The following SYNE3 variants were observed in gnomAD, a reference collection of about 807,000 sequenced individuals.
SYNE3 encodes spectrin repeat containing nuclear envelope family member 3.
Under a neutral mutation model 111.2 loss-of-function variants are expected in SYNE3, and 100 were observed. The ratio of observed to expected loss-of-function variants is 0.90; its 90% CI spans 0.77 to 1.06. SYNE3 has a LOEUF of 1.06. Among genes scored for constraint, SYNE3 ranks in the 50% least tolerant of loss-of-function variants. SYNE3 has a pLI of 0.00. For synonymous variants in SYNE3, 547 were observed against 533.9 expected (o/e 1.02, Z -0.34); for missense variants, 1,160 against 1,240.3 (o/e 0.94, Z 0.97).
intron 4 of SYNE3, among the ~76,000 whole-genome samples, chr14:95,460,477 T>C (rs1293998685): frequency 4.0e-5 from 6 of 150,082 alleles, no homozygotes. Context: ...TGCCTCAGCA[T>C]CTCAAAGTGC....
Position 95,432,120 on chromosome 14 carries a change from G to A in SYNE3, c.2689-3C>T. 1 of 1,611,636 alleles carries A rather than the reference G, an allele frequency of 6.2e-7. No individual in the cohort carries two copies. The highest frequency in any genetic ancestry group is 8.5e-7 in the Non-Finnish European group (1 of 1,179,042). ...GGCTCCCCTGGAGAACTTTGTGTCT[G>A]TTATTTTAGGGAAGGAGAGGAAAAG... On this transcript the variant is annotated splice_region_variant and splice_polypyrimidine_tract_variant and intron_variant, in intron 16 of 17. Coordinates refer to ENST00000682763, the MANE Select transcript of SYNE3 (RefSeq NM_152592.6).
At chr14:95,491,660 G>A (rs545227990) in intron 1 of SYNE3, among the ~76,000 whole-genome samples, 4 of 151,852 alleles carry the variant, frequency 2.6e-5, no homozygotes, top group African/African-American at 9.7e-5. Context: ...CCTGACCTTG[G>A]AATACGCAAT....
At chr14:95,479,154 G>A (rs1040993061) in intron 1 of SYNE3, among the ~76,000 whole-genome samples, 3 of 149,964 alleles carry the variant, frequency 2.0e-5, no homozygotes, top group African/African-American at 7.4e-5. Flanking sequence ...CAGCAGTTTG[G>A]GAGGCTGATA....
At chr14:95,449,573 T>C in intron 8 of SYNE3, 1 of 985,422 alleles carries the variant, frequency 1.0e-6, no homozygotes, top group Non-Finnish European at 1.2e-6. Context: ...AATGTCGCTG[T>C]TTTAAGATAC....
At chr14:95,482,293 G>A (rs1889309185) in intron 1 of SYNE3, among the ~76,000 whole-genome samples, 1 of 152,158 alleles carries the variant, frequency 6.6e-6, no homozygotes, top group East Asian at 1.9e-4. Flanking sequence ...AATTAGCCAG[G>A]CGTGATAGCG....
rs1356779141 is a variant in SYNE3, at chr14:95,485,934, G to A, written c.-14-10099C>T. 6.6e-6 allele frequency among the ~76,000 whole-genome samples: 1 copy of A among 152,158 alleles called. No individual in the cohort carries two copies. The highest frequency in any genetic ancestry group is 1.9e-4 in the East Asian group (1 of 5,188). ...ACCAGCAGAGTCTGATTTGGGACAA[G>A]GGTCAGGGGAGGGACAGAGGTGCAG... On this transcript the variant is annotated intron_variant, in intron 1 of 17. Coordinates refer to ENST00000682763, the MANE Select transcript of SYNE3 (RefSeq NM_152592.6). The surrounding 1 kb of genome is among the most constrained non-coding windows in gnomAD (Gnocchi z 4.3).
Position 95,432,147 on chromosome 14 carries a change from G to C in SYNE3, c.2689-30C>G, listed in dbSNP as rs533004080. 4 of 1,601,536 alleles carry C rather than the reference G, an allele frequency of 2.5e-6. No homozygotes were observed. The African/African-American group carries it at 4.1e-5, about 17-fold the overall frequency. ...TATTTTAGGGAAGGAGAGGAAAAGG[G>C]GGGAAAAAAATAAGTTAAGTGAGTG... On this transcript the variant is annotated intron_variant, in intron 16 of 17. Transcript: ENST00000682763.
chr14:95,515,931 G>T (rs1890906657), intron 1 of SYNE3, among the ~76,000 whole-genome samples: 1 of 152,212 alleles, frequency 6.6e-6, no homozygotes, highest in Non-Finnish European at 1.5e-5. Flanking sequence ...GCTGTTTGGG[G>T]TCAAGATCCC....
chr14:95,478,068 G>A (rs896514805), intron 1 of SYNE3, among the ~76,000 whole-genome samples: 2 of 152,176 alleles, frequency 1.3e-5, no homozygotes, highest in African/African-American at 4.8e-5. Flanking sequence ...TCAGTGGTTG[G>A]TGTCTGGAGG....
At chr14:95,511,810 T>C (rs1890732090) in intron 1 of SYNE3, among the ~76,000 whole-genome samples, 1 of 152,214 alleles carries the variant, frequency 6.6e-6, no homozygotes, top group African/African-American at 2.4e-5. Context: ...CTGAGTGCCC[T>C]AAGGAGGAGC....
chr14:95,444,619 C>T lies in SYNE3; in HGVS notation c.1642G>A (p.Ala548Thr), dbSNP rs200153210. 19 of 1,594,262 alleles carry T rather than the reference C, an allele frequency of 1.2e-5. No individual in the cohort carries two copies. Among genetic ancestry groups the T allele is most frequent in the African/African-American group, 5.4e-5 (4 of 73,796 alleles). The change falls in exon 10 of 18, where the codon GCT becomes ACT. Residue 548 changes from alanine (A) to threonine (T), a missense_variant. Physicochemically the swap from Ala to Thr is moderately conservative, Grantham distance 58. Transcript: ENST00000682763. ...GCTGCTCCAAAGTCTTTGTGCTGAG[C>T]GAGCAGGCTCTGCAGAGACACAGGA... ...QRKSKLQSLL[A>T]QHKDFGAAFE...
intron 1 of SYNE3, among the ~76,000 whole-genome samples, chr14:95,484,230 T>G: frequency 6.6e-6 from 1 of 150,700 alleles, no homozygotes. Flanking sequence ...GGGGGCAGAG[T>G]GTATGCAAGG....
At chr14:95,423,016 C>T (rs1035830915) in intron 17 of SYNE3, among the ~76,000 whole-genome samples, 2 of 152,210 alleles carry the variant, frequency 1.3e-5, no homozygotes, top group African/African-American at 2.4e-5. Context: ...TACAGCCCTG[C>T]GTTCGCTCCC....
intron 14 of SYNE3, 42 bp from the exon 15 acceptor site, chr14:95,437,023 C>A (rs200146914): frequency 6.8e-6 from 11 of 1,611,272 alleles, no homozygotes; most frequent in African/African-American, 1.3e-5. Context: ...GGTGAAAGAG[C>A]CCCCCTGGCC....
chr14:95,503,123 C>T (rs900014381), intron 1 of SYNE3, among the ~76,000 whole-genome samples: 2 of 152,222 alleles, frequency 1.3e-5, no homozygotes, highest in Non-Finnish European at 2.9e-5. Context: ...GTAATCTACC[C>T]TCAAGTCCCC....
chr14:95,449,933 C>G lies in SYNE3; in HGVS notation c.1447G>C (p.Glu483Gln), dbSNP rs201231576. Residue 483 changes from glutamate to glutamine, a missense_variant and splice_region_variant, in exon 8 of 18, where the codon GAG becomes CAG. Transcript: ENST00000682763. ...CCAGTTGGCAGGACCACGGTTACCT[C>G]GATCTGGGGCAGGAAGGTGTGAAGG... ...PSLHTFLPQI[E>Q]AALMESSRLK... 7.3e-5 allele frequency: 114 copies of G among 1,552,620 alleles called. No homozygotes were observed. The African/African-American group carries it at 1.4e-3, about 19-fold the overall frequency.
intron 6 of SYNE3, among the ~76,000 whole-genome samples, chr14:95,454,938 G>A (rs191329203): frequency 6.6e-6 from 1 of 152,272 alleles, no homozygotes; most frequent in East Asian, 1.9e-4. Context: ...GTGGGCCTCT[G>A]CTGCTTGGCC....
At chr14:95,493,393 T>C (rs1438834679) in intron 1 of SYNE3, among the ~76,000 whole-genome samples, 1 of 152,164 alleles carries the variant, frequency 6.6e-6, no homozygotes, top group African/African-American at 2.4e-5. Flanking sequence ...ATAACTTGAG[T>C]ATAAAATTTC....
At chr14:95,431,507 C>T (rs1305978672) in intron 17 of SYNE3, among the ~76,000 whole-genome samples, 1 of 152,202 alleles carries the variant, frequency 6.6e-6, no homozygotes, top group Non-Finnish European at 1.5e-5. Flanking sequence ...ACCTATTACT[C>T]ATTGTTGTCG....
Sources: allele counts gnomAD v4.1 joint callset (sites outside exome capture counted in the v4.1 genomes callset), GRCh38; gene constraint gnomAD v4.1.1; non-coding constraint Gnocchi (gnomAD v3.1); transcripts MANE v1.5; gene names NCBI Gene and HGNC (gene_info 2026-07-23, HGNC 2026-07-21).